Variants in CES4A observed in about 807,000 individuals in gnomAD.
The protein encoded by CES4A is carboxylesterase 4A, also known as carboxylesterase 6.
A neutral mutation model predicts 65.4 loss-of-function variants in CES4A; 48 were observed. That is an observed-to-expected ratio of 0.73 (90% CI 0.58 to 0.93). CES4A has a LOEUF of 0.93. Ranked by LOEUF, CES4A falls within the 40% of genes least tolerant of loss-of-function variation. The pLI is 0.00. For missense variants in CES4A, 685 were observed against 728.5 expected, an observed-to-expected ratio of 0.94 and a Z score of 0.69; for synonymous variants, 247 against 281.8, an observed-to-expected ratio of 0.88 and a Z score of 1.24.
intron 2 of CES4A, among the ~76,000 whole-genome samples, chr16:66,998,654 G>A (rs1397509969): frequency 6.6e-6 from 1 of 152,108 alleles, no homozygotes; most frequent in Non-Finnish European, 1.5e-5. Flanking sequence ...GGATCACGAG[G>A]TCAGGAGTTC....
chr16:67,009,390 C>T (rs1966014567), exon 14 of CES4A: 2 of 440,708 alleles, frequency 4.5e-6, no homozygotes, highest in Middle Eastern at 6.1e-4. Flanking sequence ...AGGCCAGGCC[C>T]TGTCAACACC....
intron 1 of CES4A, among the ~76,000 whole-genome samples, chr16:66,990,913 G>A (rs1964335700): frequency 6.6e-6 from 1 of 152,010 alleles, no homozygotes; most frequent in Admixed American, 6.6e-5. Flanking sequence ...AGTTCAGAAA[G>A]GTCTTTGTTT....
chr16:67,002,029 C>A (rs529243628), intron 5 of CES4A, among the ~76,000 whole-genome samples: 3 of 152,360 alleles, frequency 2.0e-5, no homozygotes, highest in Non-Finnish European at 4.4e-5. Context: ...CTTCTAAGCA[C>A]CTTATGTGTC....
At chr16:66,993,564 G>A (rs1395477632) in intron 1 of CES4A, among the ~76,000 whole-genome samples, 4 of 151,788 alleles carry the variant, frequency 2.6e-5, no homozygotes, top group Admixed American at 6.6e-5. Flanking sequence ...GGCTGGTCTC[G>A]AACTCCTGAC....
chr16:67,008,665 G>C (rs1965962871), intron 13 of CES4A: 1 of 247,882 alleles, frequency 4.0e-6, no homozygotes, highest in East Asian at 9.5e-5. Context: ...CTCCCAAAGT[G>C]CTGGGATTAC....
chr16:66,988,752 A>G (rs1964146312), exon 1 of CES4A: 1 of 1,557,896 alleles, frequency 6.4e-7, no homozygotes, highest in African/African-American at 1.4e-5. Context: ...ACTCCTGCCC[A>G]CAGCAGGAGC....
rs1335307753 is a variant in CES4A, at chr16:67,000,907, G to C, written c.453G>C (p.Ser151=). The change falls in exon 4 of 14, where the codon TCG becomes TCC. Residue 151 remains serine (S), a synonymous_variant. Transcript: ENST00000648724. This position sits in a 1 kb window ranked among gnomAD's most constrained non-coding sequence, Gnocchi z 4.2. ...CCTTCATCGTGGGCGCTGCTTCTTC[G>C]TACGAGGGCTCTGACTTGGCCGCCC... is the stretch of plus-strand genomic sequence containing the variant. 2 of 1,612,276 alleles carry C rather than the reference G, an allele frequency of 1.2e-6. No individual in the cohort carries two copies. Among genetic ancestry groups the C allele is most frequent in the African/African-American group, 2.7e-5 (2 of 74,890 alleles).
At chr16:66,995,707 A>G (rs1034991786) in exon 2 of CES4A, 1 of 1,614,102 alleles carries the variant, frequency 6.2e-7, no homozygotes, top group African/African-American at 1.3e-5. Context: ...TGGGGAAGAC[A>G]CCCATCCAAG....
intron 2 of CES4A, chr16:66,996,098 CACGATCTCGGCTCACTGCAACCT>C: frequency 1.8e-6 from 1 of 552,282 alleles, no homozygotes; most frequent in South Asian, 1.6e-5. Context: ...AGTGCAGTGG[CACGATCTCGGCTCACTGCAACCT>C]CCGCCTCCCG....
At chr16:66,994,779 C>T (rs1304410554) in intron 1 of CES4A, among the ~76,000 whole-genome samples, 3 of 149,032 alleles carry the variant, frequency 2.0e-5, no homozygotes, top group Non-Finnish European at 3.0e-5. Flanking sequence ...GCAGAGGTTG[C>T]GGTGAGCCGA....
rs202172443 is a variant in CES4A at position 66,989,356 on chromosome 16, T to TTA, written c.58+540_58+541dup. Among the ~76,000 whole-genome samples, 279 of 149,584 alleles carry TTA rather than the reference T, an allele frequency of 1.9e-3. 1 individual carries two copies. The highest frequency in any genetic ancestry group is 7.0e-3 in the Middle Eastern group (2 of 286). ...ATAATTATATCTATTATACTAATTA[T>TTA]TATATATATATATATGGTAACCATT... is the stretch of plus-strand genomic sequence containing the variant. On this transcript the variant is annotated intron_variant, in intron 1 of 13. Transcript: ENST00000648724.
At chr16:67,006,045 G>T (rs572854621) in intron 11 of CES4A, 116 of 246,888 alleles carry the variant, frequency 4.7e-4, no homozygotes, top group African/African-American at 2.3e-3. Context: ...AAGGGGGGGG[G>T]GCTGGAAAAT....
rs188193976 is a variant in CES4A at position 66,994,158 on chromosome 16, T to A, written c.59-1470T>A. The stretch of plus-strand genomic sequence containing the variant: ...TCAGACAAACAGAAATCAAAATGAA[T>A]AATGCATTTATTGCCATTAAATGAC... On this transcript the variant is annotated intron_variant, in intron 1 of 13. Coordinates refer to ENST00000648724, the Ensembl canonical transcript of CES4A. 3.1e-4 allele frequency among the ~76,000 whole-genome samples: 47 copies of A among 152,050 alleles called. No homozygotes were observed. In the East Asian group the frequency reaches 8.9e-3, roughly 29 times the overall value.
rs190027245 is a variant in CES4A, at chr16:66,995,716, A to G, written c.147A>G (p.Gln49=). ...TGCATGTGGGGAAGACACCCATCCA[A>G]GTCTTTTTAGGAGTCCCCTTCTCCA... Residue 49 remains glutamine (Q), a synonymous_variant, in exon 2 of 14, where the codon CAA becomes CAG. Coordinates refer to ENST00000648724, the Ensembl canonical transcript of CES4A. 1,778 of 1,614,238 alleles carry G rather than the reference A, an allele frequency of 1.1e-3. 42 individuals are homozygous for G. In the Admixed American group the frequency reaches 0.028, roughly 25 times the overall value.
intron 9 of CES4A, 73 bp from the exon 10 acceptor site, chr16:67,004,720 C>T: frequency 7.9e-7 from 1 of 1,263,940 alleles, no homozygotes; most frequent in Non-Finnish European, 1.1e-6. Context: ...CCTTTGGGGC[C>T]TTTGTAGCTC....
At chr16:66,994,030 G>A (rs553108378) in intron 1 of CES4A, among the ~76,000 whole-genome samples, 1 of 151,496 alleles carries the variant, frequency 6.6e-6, no homozygotes, top group Non-Finnish European at 1.5e-5. Context: ...GAACCTGGGA[G>A]GTGGGGCTTG....
chr16:66,989,900 TC>T (rs1964242679), intron 1 of CES4A, among the ~76,000 whole-genome samples: 1 of 151,880 alleles, frequency 6.6e-6, no homozygotes, highest in Non-Finnish European at 1.5e-5. Flanking sequence ...ATGTACTCCT[TC>T]TCAGTCAATA....
Position 67,003,204 on chromosome 16 carries a change from C to T in CES4A, c.795+30C>T, listed in dbSNP as rs1476513037. ...GTGCCTCTCCTTCCCCAGGGCTCAGCATGGAAGGGCAGGATGGAAGCACCA... is the reference window on the plus strand; with the variant it reads ...GTGCCTCTCCTTCCCCAGGGCTCAGTATGGAAGGGCAGGATGGAAGCACCA... On this transcript the variant is annotated intron_variant, in intron 6 of 13. Transcript: ENST00000648724. This position sits in a 1 kb window ranked among gnomAD's most constrained non-coding sequence, Gnocchi z 4.2. The T allele has an allele frequency of 6.2e-6, 10 of 1,610,644 alleles. No individual in the cohort carries two copies. Among genetic ancestry groups the T allele is most frequent in the Non-Finnish European group, 8.5e-6 (10 of 1,176,850 alleles).
exon 14 of CES4A, chr16:67,009,446 C>T: frequency 3.8e-6 from 1 of 262,400 alleles, no homozygotes; most frequent in Non-Finnish European, 7.3e-6. Context: ...CTTTTTTTCC[C>T]TTCTTCAAAT....
Sources: gnomAD v4.1 joint callset for allele counts (sites outside exome capture counted in the v4.1 genomes callset) on GRCh38, gnomAD v4.1.1 for gene constraint, Gnocchi (gnomAD v3.1) non-coding constraint, MANE v1.5 for transcripts, NCBI Gene and HGNC (gene_info 2026-07-23, HGNC 2026-07-21) for gene names.